DHRS7: variants seen among roughly 807,000 people sequenced by gnomAD.
DHRS7 encodes dehydrogenase/reductase SDR family member 7.
In DHRS7, 34 loss-of-function variants were observed where a neutral mutation model predicts 38.9. The observed-to-expected ratio is 0.87, with a 90% CI of 0.66 to 1.16. The LOEUF (loss-of-function observed/expected upper bound fraction) is 1.16. Among genes scored for constraint, DHRS7 ranks in the 50% most tolerant of loss-of-function variants. The probability of loss-of-function intolerance (pLI) is 0.00; values close to 1 mark genes in which losing one functional copy is unlikely to be tolerated. For synonymous variants in DHRS7, 158 were observed against 153.1 expected (o/e 1.03, Z -0.24); for missense variants, 421 against 407.0 (o/e 1.03, Z -0.30).
At chr14:60,164,178 ATTTTTTTTT>A (rs61331316) in intron 1 of DHRS7, among the ~76,000 whole-genome samples, 2 of 118,910 alleles carry the variant, frequency 1.7e-5, no homozygotes, top group Non-Finnish European at 3.3e-5. Context: ...GTATTACCAG[ATTTTTTTTT>A]TTTTTTTTTT....
Position 60,149,418 on chromosome 14 carries a change from T to C in DHRS7, c.907A>G (p.Thr303Ala), listed in dbSNP as rs1231630378. 3 of 1,614,206 alleles carry C rather than the reference T, an allele frequency of 1.9e-6. No homozygotes were observed. In the Middle Eastern group the frequency reaches 4.9e-4, roughly 266 times the overall value. Residue 303 changes from threonine to alanine, a missense_variant, in exon 6 of 7, where the codon ACC becomes GCC. Thr to Ala is a moderately conservative substitution (Grantham distance 58). Transcript: ENST00000557185. ...LVTYLWQYMPTWAWWITNKMG... is the reference protein window; with the variant it reads ...LVTYLWQYMPAWAWWITNKMG... ...TTGTTGGTTATCCACCAGGCCCAGG[T>C]TGGCATGTATTGCCACAAATATGTT...
rs1896590979 is a variant in DHRS7 at position 60,153,429 on chromosome 14, A to G, written c.394-251T>C. ...AATAAATAAAAGCAGCCAGCTGGGC[A>G]CAGTAGCCTGTAATCCCTGCACTTT... On this transcript the variant is annotated intron_variant, in intron 3 of 6. Transcript: ENST00000557185. The surrounding 1 kb of genome is among the most constrained non-coding windows in gnomAD (Gnocchi z 4.4). Among the ~76,000 whole-genome samples the G allele has an allele frequency of 6.6e-6, 1 of 152,216 alleles. No homozygotes were observed. Among genetic ancestry groups the G allele is most frequent in the Admixed American group, 6.5e-5 (1 of 15,280 alleles).
chr14:60,166,308 A>G, upstream of DHRS7: 3 of 984,702 alleles, frequency 3.0e-6, no homozygotes, highest in Non-Finnish European at 3.6e-6. Context: ...GAGTGCATAG[A>G]AACTAGGCCA....
upstream of DHRS7, among the ~76,000 whole-genome samples, chr14:60,166,994 G>C (rs1002372862): frequency 2.0e-5 from 3 of 149,304 alleles, no homozygotes; most frequent in Non-Finnish European, 4.5e-5. Context: ...GGTTGGGGGG[G>C]ACGTGGAGAT....
In DHRS7 at chr14:60,152,954, G is replaced by A. The variant is rs1430397890; in HGVS notation, c.618C>T (p.Ser206=). 41 of 1,613,980 alleles carry A rather than the reference G, an allele frequency of 2.5e-5. No individual in the cohort carries two copies. The highest frequency in any genetic ancestry group is 3.2e-5 in the Non-Finnish European group (38 of 1,179,994). ...SVPLSIGYCA[S]KHALRGFFNG... is the part of the protein sequence containing the mutation. ...GCAGCCTTACCCGGAGAGCATGCTT[G>A]CTAGCACAGTATCCAATGGAAAGAG... is the stretch of plus-strand genomic sequence containing the variant. Residue 206 remains serine (S), a synonymous_variant, in exon 4 of 7, where the codon AGC becomes AGT. Coordinates refer to ENST00000557185, the MANE Select transcript of DHRS7 (RefSeq NM_016029.4).
At position 60,160,306 on chromosome 14, in the gene DHRS7, ACT is replaced by A. The variant is rs766176983; in HGVS notation, c.134-4156_134-4155del. Among the ~76,000 whole-genome samples, 76 of 148,754 alleles carry A rather than the reference ACT, an allele frequency of 5.1e-4. 1 individual carries two copies. Among genetic ancestry groups the A allele is most frequent in the Non-Finnish European group, 5.0e-4 (34 of 67,374 alleles). On this transcript the variant is annotated intron_variant, in intron 1 of 6. Transcript: ENST00000557185. ...ACTCCAGCCTGGGCAACAAAGTGAGACTCTATCTCAAAAAACAAAAAACAAAA... is the reference window on the plus strand; with the variant it reads ...ACTCCAGCCTGGGCAACAAAGTGAGACTATCTCAAAAAACAAAAAACAAAA...
chr14:60,159,961 G>C (rs1896730803), intron 1 of DHRS7, among the ~76,000 whole-genome samples: 1 of 152,172 alleles, frequency 6.6e-6, no homozygotes, highest in Non-Finnish European at 1.5e-5. Context: ...AAAACAAAAA[G>C]AGACTATAAA....
At position 60,148,329 on chromosome 14, in the gene DHRS7, CAA is replaced by C. The variant is rs1896458477; in HGVS notation, c.972+1022_972+1023del. 1 of 152,082 alleles carries C rather than the reference CAA, an allele frequency of 6.6e-6. No individual in the cohort carries two copies. The highest frequency in any genetic ancestry group is 2.1e-4 in the South Asian group (1 of 4,832). 9.4% of individuals were successfully genotyped at this position (152,082 alleles called of 1,614,324 possible). ...ATTAATTTCTAAAAGAAGGTGGTAA[CAA>C]AGTATATCAAAGGCTAACAGTAAAA... is the stretch of plus-strand genomic sequence containing the variant. On this transcript the variant is annotated intron_variant, in intron 6 of 6. Coordinates refer to ENST00000557185, the MANE Select transcript of DHRS7 (RefSeq NM_016029.4). This position sits in a 1 kb window ranked among gnomAD's most constrained non-coding sequence, Gnocchi z 4.8.
chr14:60,158,225 T>G (rs998321090), intron 1 of DHRS7, among the ~76,000 whole-genome samples: 2 of 122,484 alleles, frequency 1.6e-5, no homozygotes, highest in African/African-American at 7.3e-5. Context: ...AGAGTGAGAC[T>G]CTGTCGGAAA....
In DHRS7 at chr14:60,154,012, C is replaced by T. The variant is rs1191737623; in HGVS notation, c.340G>A (p.Asp114Asn). The T allele has an allele frequency of 3.7e-6, 6 of 1,613,934 alleles. No individual in the cohort carries two copies. The highest frequency in any genetic ancestry group is 1.3e-5 in the African/African-American group (1 of 74,918). Residue 114 changes from aspartate to asparagine, a missense_variant, in exon 3 of 7, where the codon GAC becomes AAC. Coordinates refer to ENST00000557185, the MANE Select transcript of DHRS7 (RefSeq NM_016029.4). The stretch of plus-strand genomic sequence containing the variant: ...GTAGCCGCTTCATGGGAACCAGTGT[C>T]GGTCAGGTCAAGGGGCAAAACAAGT... Reference protein sequence around the residue: ...DILVLPLDLTDTGSHEAATKA... With the variant: ...DILVLPLDLTNTGSHEAATKA...
chr14:60,164,178 ATTT>A lies in DHRS7; in HGVS notation c.133+996_133+998del, dbSNP rs61331316. Reference sequence around the variant, plus strand: ...GGGGCACAAACCACTGTATTACCAGATTTTTTTTTTTTTTTTTTTTTGTCCACA... The same window carrying A: ...GGGGCACAAACCACTGTATTACCAGATTTTTTTTTTTTTTTTTTGTCCACA... On this transcript the variant is annotated intron_variant, in intron 1 of 6. Coordinates refer to ENST00000557185, the MANE Select transcript of DHRS7 (RefSeq NM_016029.4). Among the ~76,000 whole-genome samples the A allele has an allele frequency of 7.6e-4, 90 of 118,878 alleles. No homozygotes were observed. The East Asian group carries it at 9.3e-3, about 12-fold the overall frequency. 78.0% of individuals were successfully genotyped at this position (118,878 alleles called of 152,430 possible).
intron 5 of DHRS7, 91 bp from the exon 6 acceptor site, chr14:60,149,659 T>C (rs1264691808): frequency 1.0e-6 from 1 of 983,064 alleles, no homozygotes; most frequent in Non-Finnish European, 1.5e-6. Flanking sequence ...AGTTGAGTGG[T>C]TCCTTTAGTG....
intron 1 of DHRS7, among the ~76,000 whole-genome samples, chr14:60,164,354 G>T (rs1243089133): frequency 6.6e-6 from 1 of 151,010 alleles, no homozygotes; most frequent in African/African-American, 2.4e-5. Context: ...CAGAAACTTG[G>T]TCCAGGGAAA....
At chr14:60,158,058 C>T (rs918839370) in intron 1 of DHRS7, among the ~76,000 whole-genome samples, 1 of 151,822 alleles carries the variant, frequency 6.6e-6, no homozygotes, top group African/African-American at 2.4e-5. Context: ...CATGATGGAA[C>T]CTGTTCTCTA....
In DHRS7 at chr14:60,154,042, C is replaced by A. The variant is rs1019994492; in HGVS notation, c.310G>T (p.Asp104Tyr). 6.8e-6 allele frequency: 11 copies of A among 1,613,692 alleles called. No individual in the cohort carries two copies. Among genetic ancestry groups the A allele is most frequent in the Admixed American group, 1.7e-5 (1 of 59,966 alleles). The change falls in exon 3 of 7, where the codon GAT becomes TAT. Residue 104 changes from aspartate (D) to tyrosine (Y), a missense_variant. By Grantham distance (160) the Asp-to-Tyr change is radical. Transcript: ENST00000557185. ...CLENGNLKEK[D>Y]ILVLPLDLTD... ...AGGTCAAGGGGCAAAACAAGTATAT[C>A]TTTTTCTTTTAAATTGCCATTCTCT...
At chr14:60,167,927 A>G (rs1896887954), upstream of DHRS7, among the ~76,000 whole-genome samples, 1 of 152,180 alleles carries the variant, frequency 6.6e-6, no homozygotes, top group Non-Finnish European at 1.5e-5. Flanking sequence ...AAAAGCTCAC[A>G]GCACCCTTAC....
intron 4 of DHRS7, among the ~76,000 whole-genome samples, chr14:60,151,633 G>A (rs1896547851): frequency 6.6e-6 from 1 of 151,714 alleles, no homozygotes; most frequent in Admixed American, 6.6e-5. Context: ...CACCAAGCAA[G>A]CCAATATATC....
upstream of DHRS7, chr14:60,168,586 G>A (rs1805769674): frequency 7.3e-7 from 1 of 1,362,940 alleles, no homozygotes. Context: ...AAAGTAAAAA[G>A]TTAAAAAAAT....
chr14:60,166,778 T>A (rs80209431), upstream of DHRS7, among the ~76,000 whole-genome samples: 85 of 152,348 alleles, frequency 5.6e-4, no homozygotes, highest in East Asian at 0.016. Context: ...TCAGGGTTAA[T>A]ATAGTATTGT....
Sources: allele counts gnomAD v4.1 joint callset (sites outside exome capture counted in the v4.1 genomes callset), GRCh38; gene constraint gnomAD v4.1.1; non-coding constraint Gnocchi (gnomAD v3.1); transcripts MANE v1.5; gene names NCBI Gene and HGNC (gene_info 2026-07-23, HGNC 2026-07-21).